The following SFRP1 variants were observed in gnomAD, a reference collection of about 807,000 sequenced individuals.
The protein encoded by SFRP1 is secreted frizzled-related protein 1.
SFRP1 carries 9 observed loss-of-function variants against 25.9 expected under a neutral mutation model. The observed-to-expected ratio is 0.35, with a 90% CI of 0.21 to 0.61. SFRP1 has a LOEUF of 0.61. Among genes scored for constraint, SFRP1 ranks in the 20% least tolerant of loss-of-function variants. The pLI, the probability that SFRP1 is intolerant of heterozygous loss-of-function variation, is 0.78. For missense variants in SFRP1, 346 were observed against 418.2 expected (o/e 0.83, Z 1.51); for synonymous variants, 178 against 174.0 (o/e 1.02, Z -0.18).
rs1249908119 is a variant in SFRP1 at position 41,262,051 on chromosome 8, T to A, written c.*3116A>T. 1 of 152,460 alleles carries A rather than the reference T, an allele frequency of 6.6e-6. No homozygotes were observed. The highest frequency in any genetic ancestry group is 1.5e-5 in the Non-Finnish European group (1 of 68,044). The allele number at this position is 152,460 out of a possible 1,614,324, so 9.4% of individuals were successfully genotyped here. On this transcript the variant is annotated 3_prime_UTR_variant, in exon 3 of 3. Coordinates refer to ENST00000220772, the MANE Select transcript of SFRP1 (RefSeq NM_003012.5). ...AATGAACACGTACGGGAATTACTATTAACATAAGCGATAACATCAAAACAT... is the reference window on the plus strand; with the variant it reads ...AATGAACACGTACGGGAATTACTATAAACATAAGCGATAACATCAAAACAT...
At chr8:41,282,661 T>C (rs1215503047) in intron 2 of SFRP1, among the ~76,000 whole-genome samples, 1 of 152,128 alleles carries the variant, frequency 6.6e-6, no homozygotes, top group Admixed American at 6.5e-5. Flanking sequence ...CCTGTTCCTC[T>C]TACTTTTAAT....
chr8:41,288,019 A>C (rs1434307111), intron 2 of SFRP1, among the ~76,000 whole-genome samples: 1 of 151,934 alleles, frequency 6.6e-6, no homozygotes, highest in African/African-American at 2.4e-5. Flanking sequence ...GGAGTTCAAG[A>C]CCAGCCTGGG....
chr8:41,277,147 G>C, intron 2 of SFRP1: 1 of 418,078 alleles, frequency 2.4e-6, no homozygotes, highest in Non-Finnish European at 4.8e-6. Context: ...TTGGGCCTCA[G>C]AGTGGATCAG....
At chr8:41,300,034 A>G (rs1407453274) in intron 2 of SFRP1, among the ~76,000 whole-genome samples, 1 of 152,190 alleles carries the variant, frequency 6.6e-6, no homozygotes, top group African/African-American at 2.4e-5. Context: ...GAGGAAACCC[A>G]AGGTTTAGTT....
intron 2 of SFRP1, among the ~76,000 whole-genome samples, chr8:41,278,429 C>T (rs577573942): frequency 4.6e-5 from 7 of 152,208 alleles, no homozygotes; most frequent in Non-Finnish European, 7.3e-5. Context: ...TGGATCCCAG[C>T]GTAGCCATTT....
intron 2 of SFRP1, among the ~76,000 whole-genome samples, chr8:41,284,708 G>T (rs531294875): frequency 3.9e-5 from 6 of 152,338 alleles, no homozygotes; most frequent in East Asian, 3.9e-4. Context: ...GGTGGCGTAG[G>T]GGGAGGGGTC....
rs1401538679 is a variant in SFRP1, at chr8:41,265,175, A to T, written c.937T>A (p.Phe313Ile). The stretch of plus-strand genomic sequence containing the variant: ...CCCTGCCCCCGGGAGAATCACTTAA[A>T]CACGGACTGAAAGGTGGGGCACTCA... The part of the protein sequence containing the change: ...NHECPTFQSV[F>I]K Residue 313 changes from phenylalanine (F) to isoleucine (I), a missense_variant, in exon 3 of 3, where the codon TTT becomes ATT. Transcript: ENST00000220772. 1 of 1,599,950 alleles carries T rather than the reference A, an allele frequency of 6.3e-7. No individual in the cohort carries two copies. Among genetic ancestry groups the T allele is most frequent in the East Asian group, 2.2e-5 (1 of 44,480 alleles).
Position 41,262,301 on chromosome 8 carries a change from G to C in SFRP1, c.*2866C>G, listed in dbSNP as rs775791204. ...CTGCCTAGGGTGCTCTCCTCAAACAGATCACCTGAGCCTCCTGCATCTATG... is the reference window on the plus strand; with the variant it reads ...CTGCCTAGGGTGCTCTCCTCAAACACATCACCTGAGCCTCCTGCATCTATG... On this transcript the variant is annotated 3_prime_UTR_variant, in exon 3 of 3. Coordinates refer to ENST00000220772, the MANE Select transcript of SFRP1 (RefSeq NM_003012.5). 2 of 152,156 alleles carry C rather than the reference G, an allele frequency of 1.3e-5. No individual in the cohort carries two copies. Among genetic ancestry groups the C allele is most frequent in the African/African-American group, 2.4e-5 (1 of 41,434 alleles). 9.4% of individuals were successfully genotyped at this position (152,156 alleles called of 1,614,324 possible).
chr8:41,281,287 C>G (rs1803632605), intron 2 of SFRP1, among the ~76,000 whole-genome samples: 1 of 152,220 alleles, frequency 6.6e-6, no homozygotes. Flanking sequence ...CAAGCTTTGC[C>G]CTGTTACACA....
At position 41,309,134 on chromosome 8, in the gene SFRP1, C is replaced by T. The variant is rs978853823; in HGVS notation, c.26G>A (p.Gly9Asp). ...CACGCCCAGGGCTGCCCCGCGGCGG[C>T]CCCCCTCGCTGCGCCCGATGCCCAT... MGIGRSEG[G>D]RRGAALGVLL... Residue 9 changes from glycine (G) to aspartate (D), a missense_variant, in exon 1 of 3, where the codon GGC becomes GAC. Gly to Asp is a moderately conservative substitution (Grantham distance 94, BLOSUM62 -1). Transcript: ENST00000220772. The T allele has an allele frequency of 1.4e-6, 2 of 1,436,508 alleles. No homozygotes were observed. Among genetic ancestry groups the T allele is most frequent in the Non-Finnish European group, 9.0e-7 (1 of 1,109,778 alleles). 89.0% of individuals were successfully genotyped at this position (1,436,508 alleles called of 1,614,324 possible).
chr8:41,278,309 A>G (rs150197397), intron 2 of SFRP1, among the ~76,000 whole-genome samples: 5 of 152,336 alleles, frequency 3.3e-5, no homozygotes, highest in African/African-American at 7.2e-5. Flanking sequence ...ACGGACCCCA[A>G]GTGGAGAGTC....
intron 2 of SFRP1, among the ~76,000 whole-genome samples, chr8:41,297,934 G>A (rs1025532029): frequency 9.8e-5 from 15 of 152,318 alleles, no homozygotes; most frequent in Admixed American, 9.8e-4. Flanking sequence ...CTTGATGGGT[G>A]TGAGAGGATG....
chr8:41,309,264 G>T lies in SFRP1; in HGVS notation c.-105C>A. ...GGGACCTCCGGGGACAAAAGGCGCAGTCCCCAGCGTTGCCCGGCTCCGCGG... is the reference window on the plus strand; with the variant it reads ...GGGACCTCCGGGGACAAAAGGCGCATTCCCCAGCGTTGCCCGGCTCCGCGG... On this transcript the variant is annotated 5_prime_UTR_variant, in exon 1 of 3. In the 5' UTR this introduces an upstream ATG that the reference lacks. Transcript: ENST00000220772. 2 of 1,189,698 alleles carry T rather than the reference G, an allele frequency of 1.7e-6. No individual in the cohort carries two copies. The highest frequency in any genetic ancestry group is 2.1e-6 in the Non-Finnish European group (2 of 954,306). 73.7% of individuals were successfully genotyped at this position (1,189,698 alleles called of 1,614,324 possible).
chr8:41,306,994 G>T, intron 1 of SFRP1: 1 of 1,460,440 alleles, frequency 6.8e-7, no homozygotes, highest in Non-Finnish European at 9.0e-7. Context: ...CATGTCTGCA[G>T]ACGGTCCCAG....
intron 2 of SFRP1, chr8:41,275,332 TAAAAA>T (rs33974931): frequency 2.7e-4 from 66 of 244,664 alleles, no homozygotes; most frequent in South Asian, 1.1e-3. Context: ...AAGGTGCTGT[TAAAAA>T]AAAAAAAAAA....
At chr8:41,293,080 T>C (rs935670667) in intron 2 of SFRP1, among the ~76,000 whole-genome samples, 1 of 152,218 alleles carries the variant, frequency 6.6e-6, no homozygotes, top group Non-Finnish European at 1.5e-5. Flanking sequence ...TCTCAGCACC[T>C]TCCTTGCCCA....
chr8:41,307,820 T>G (rs781154371), intron 1 of SFRP1, among the ~76,000 whole-genome samples: 56 of 152,354 alleles, frequency 3.7e-4, no homozygotes, highest in Non-Finnish European at 7.5e-4. Context: ...TAGGAAAGTC[T>G]GCATTTTGCA....
At chr8:41,266,462 G>T (rs545580973) in intron 2 of SFRP1, among the ~76,000 whole-genome samples, 4 of 152,150 alleles carry the variant, frequency 2.6e-5, no homozygotes, top group Admixed American at 6.5e-5. Context: ...TGGAGGCAGG[G>T]TCTCACTCTA....
At chr8:41,293,417 A>T (rs1228911434) in intron 2 of SFRP1, among the ~76,000 whole-genome samples, 2 of 152,206 alleles carry the variant, frequency 1.3e-5, no homozygotes, top group Non-Finnish European at 2.9e-5. Flanking sequence ...CTGACAAATG[A>T]CAAACCAACA....
Sources: gnomAD v4.1 joint callset for allele counts (sites outside exome capture counted in the v4.1 genomes callset) on GRCh38, gnomAD v4.1.1 for gene constraint, MANE v1.5 for transcripts, NCBI Gene and HGNC (gene_info 2026-07-23, HGNC 2026-07-21) for gene names.